The following TEX11 variants were observed in gnomAD, a reference collection of about 807,000 sequenced individuals.
TEX11 encodes the protein testis-expressed protein 11.
TEX11 carries 7 observed loss-of-function variants against 84.4 expected under a neutral mutation model. That is an observed-to-expected ratio of 0.08 (90% confidence interval 0.05 to 0.16). The LOEUF is 0.16. Ranked by LOEUF, TEX11 falls within the 10% of genes least tolerant of loss-of-function variation. TEX11 has a pLI of 1.00. For missense variants in TEX11, 551 were observed against 660.5 expected (o/e 0.83, Z 1.82); for synonymous variants, 264 against 222.8 (o/e 1.18, Z -1.64).
chrX:70,722,800 C>T, intron 12 of TEX11, 104 bp from the exon 13 acceptor site: 1 of 606,014 alleles, frequency 1.7e-6, no homozygotes, highest in Non-Finnish European at 2.6e-6. Context: ...TAAATGTTTG[C>T]CATATACCAT....
Position 70,769,246 on chromosome X carries a change from A to G in TEX11, c.693-25027T>C, listed in dbSNP as rs1360331895. Among the ~76,000 whole-genome samples the G allele has an allele frequency of 1.8e-5, 2 of 111,673 alleles. 1 individual carries two copies. Among genetic ancestry groups the G allele is most frequent in the Non-Finnish European group, 3.8e-5 (2 of 53,058 alleles). On this transcript the variant is annotated intron_variant, in intron 9 of 29. Transcript: ENST00000374333. ...ACAATGGAAATAAATGAAATTGATCACTAAAAAACAATAGAGAAAAATCAA... is the reference window on the plus strand; with the variant it reads ...ACAATGGAAATAAATGAAATTGATCGCTAAAAAACAATAGAGAAAAATCAA...
At chrX:70,835,884 G>T (rs1188585796) in intron 7 of TEX11, among the ~76,000 whole-genome samples, 1 of 111,078 alleles carries the variant, frequency 9.0e-6, no homozygotes, top group Non-Finnish European at 1.9e-5. Flanking sequence ...GGCCAAGGTA[G>T]ACTGATCACC....
At chrX:70,824,969 G>A (rs895015400) in intron 8 of TEX11, among the ~76,000 whole-genome samples, 1 of 110,874 alleles carries the variant, frequency 9.0e-6, no homozygotes, top group African/African-American at 3.3e-5. Context: ...TAAAAATATC[G>A]ACACTCTCCC....
chrX:70,650,507 A>T (rs1461445729), intron 17 of TEX11, among the ~76,000 whole-genome samples: 1 of 112,032 alleles, frequency 8.9e-6, no homozygotes. Context: ...AAGTAAAACA[A>T]ATGCCTAAAA....
At chrX:70,703,783 G>T (rs891373704) in intron 13 of TEX11, among the ~76,000 whole-genome samples, 1 of 111,509 alleles carries the variant, frequency 9.0e-6, no homozygotes, top group Non-Finnish European at 1.9e-5. Flanking sequence ...CATATGTATC[G>T]CACTGCAATT....
intron 13 of TEX11, among the ~76,000 whole-genome samples, chrX:70,709,256 A>C (rs1476283676): frequency 9.0e-6 from 1 of 111,550 alleles, no homozygotes; most frequent in Non-Finnish European, 1.9e-5. Flanking sequence ...TTACATGGGA[A>C]TATCTGAATA....
intron 13 of TEX11, among the ~76,000 whole-genome samples, chrX:70,716,030 G>T (rs1456674036): frequency 9.0e-6 from 1 of 111,536 alleles, no homozygotes; most frequent in Non-Finnish European, 1.9e-5. Context: ...TCAGCTGCAG[G>T]TGCATTGGAG....
At chrX:70,650,020 G>A (rs2089793145) in intron 17 of TEX11, among the ~76,000 whole-genome samples, 1 of 111,692 alleles carries the variant, frequency 9.0e-6, no homozygotes, top group South Asian at 3.7e-4. Flanking sequence ...AGTTTCAAAT[G>A]CATTAAGTTA....
At chrX:70,745,489 C>A (rs990601124) in intron 9 of TEX11, among the ~76,000 whole-genome samples, 16 of 109,750 alleles carry the variant, frequency 1.5e-4, no homozygotes, top group African/African-American at 5.3e-4. Flanking sequence ...AATTCCAGCA[C>A]TTTGGGATCC....
At chrX:70,868,468 C>T (rs1479386868) in intron 4 of TEX11, among the ~76,000 whole-genome samples, 1 of 111,398 alleles carries the variant, frequency 9.0e-6, no homozygotes, top group Non-Finnish European at 1.9e-5. Flanking sequence ...GACAATGTGG[C>T]GATTCCTCTG....
At chrX:70,813,098 G>C (rs1010978832) in intron 8 of TEX11, among the ~76,000 whole-genome samples, 4 of 111,529 alleles carry the variant, frequency 3.6e-5, no homozygotes, top group African/African-American at 9.8e-5. Context: ...CTCATTTCAT[G>C]AGGCCAGCAT....
chrX:70,612,124 C>T (rs932962601), intron 20 of TEX11, among the ~76,000 whole-genome samples: 4 of 109,344 alleles, frequency 3.7e-5, no homozygotes, highest in South Asian at 4.1e-4. Flanking sequence ...GGTGACAGAA[C>T]GAGACACCAT....
In TEX11 at chrX:70,709,823, T is replaced by A. The variant is rs186403156; in HGVS notation, c.1004+12795A>T. ...CTTTCTGGTCTTTCTTTTTACTTGA[T>A]GAGCCTGAACAAATTGCTTCCCTGT... On this transcript the variant is annotated intron_variant, in intron 13 of 29. Coordinates refer to ENST00000374333, the MANE Select transcript of TEX11 (RefSeq NM_031276.3). 4.5e-5 allele frequency among the ~76,000 whole-genome samples: 5 copies of A among 111,419 alleles called. No individual in the cohort carries two copies. The Admixed American group carries it at 4.8e-4, about 11-fold the overall frequency.
intron 27 of TEX11, 21 bp downstream of exon 27, chrX:70,553,285 G>A: frequency 9.2e-7 from 1 of 1,087,769 alleles, no homozygotes; most frequent in Non-Finnish European, 1.3e-6. Flanking sequence ...CTAGCAAAAA[G>A]GCTGGATTGT....
intron 13 of TEX11, among the ~76,000 whole-genome samples, chrX:70,716,918 G>T (rs2090509669): frequency 8.9e-6 from 1 of 112,173 alleles, no homozygotes; most frequent in Non-Finnish European, 1.9e-5. Context: ...AGCCATCTTG[G>T]CTCCACCTCC....
intron 20 of TEX11, among the ~76,000 whole-genome samples, chrX:70,619,771 A>T (rs935715603): frequency 9.0e-6 from 1 of 110,915 alleles, no homozygotes; most frequent in African/African-American, 3.3e-5. Context: ...GATGGACTGG[A>T]CAAATTATTA....
intron 9 of TEX11, among the ~76,000 whole-genome samples, chrX:70,765,525 G>A (rs377567682): frequency 1.8e-5 from 2 of 111,891 alleles, no homozygotes; most frequent in African/African-American, 6.5e-5. Context: ...ACAGAATGAA[G>A]GATAAAAACC....
At chrX:70,866,211 C>T (rs1055264333) in intron 4 of TEX11, among the ~76,000 whole-genome samples, 1 of 111,199 alleles carries the variant, frequency 9.0e-6, no homozygotes, top group East Asian at 2.8e-4. Flanking sequence ...GGGGCTATCA[C>T]CACTGATCCC....
chrX:70,670,287 A>G, intron 16 of TEX11, 90 bp downstream of exon 16: 1 of 1,017,977 alleles, frequency 9.8e-7, no homozygotes, highest in South Asian at 2.6e-5. Flanking sequence ...ATCCTAAACT[A>G]ACAGCCAGGA....
Sources: allele counts gnomAD v4.1 joint callset (sites outside exome capture counted in the v4.1 genomes callset), GRCh38; gene constraint gnomAD v4.1.1; transcripts MANE v1.5; gene names NCBI Gene and HGNC (gene_info 2026-07-23, HGNC 2026-07-21).